The following B3GALT1 variants were observed in gnomAD, a reference collection of about 807,000 sequenced individuals.
B3GALT1 encodes the protein beta-1,3-galactosyltransferase 1.
In B3GALT1, 10 loss-of-function variants were observed where a neutral mutation model predicts 23.2. That is an observed-to-expected ratio of 0.43 (90% CI 0.27 to 0.73). The LOEUF (loss-of-function observed/expected upper bound fraction) is 0.73, where lower values mean the gene tolerates loss of function less well. Among genes scored for constraint, B3GALT1 ranks in the 30% least tolerant of loss-of-function variants. B3GALT1 has a pLI of 0.21. For synonymous variants in B3GALT1, 156 were observed against 141.5 expected (o/e 1.10, Z -0.73); for missense variants, 299 against 405.4 (o/e 0.74, Z 2.25).
At chr2:167,496,487 G>A (rs1699785147) in intron 2 of B3GALT1, among the ~76,000 whole-genome samples, 1 of 152,138 alleles carries the variant, frequency 6.6e-6, no homozygotes, top group Non-Finnish European at 1.5e-5. Context: ...CTAGGCTGTT[G>A]GCAGTGAAAA....
At chr2:167,682,846 G>C (rs1219969597) in intron 3 of B3GALT1, among the ~76,000 whole-genome samples, 2 of 152,176 alleles carry the variant, frequency 1.3e-5, no homozygotes, top group African/African-American at 2.4e-5. Flanking sequence ...AATGAAAGAA[G>C]GAAATAATAT....
chr2:167,633,646 T>C (rs138885760), intron 2 of B3GALT1, among the ~76,000 whole-genome samples: 2,182 of 152,124 alleles, frequency 0.014, 100 homozygotes, highest in East Asian at 0.13. Context: ...CTATCCTAAA[T>C]ATATATGCAC....
chr2:167,468,137 A>G (rs952632708), intron 1 of B3GALT1, among the ~76,000 whole-genome samples: 1 of 152,192 alleles, frequency 6.6e-6, no homozygotes, highest in African/African-American at 2.4e-5. Context: ...GAAAAATTCT[A>G]TGGACTACTA....
intron 3 of B3GALT1, among the ~76,000 whole-genome samples, chr2:167,651,483 A>G (rs1017116757): frequency 2.0e-5 from 3 of 152,146 alleles, no homozygotes; most frequent in Non-Finnish European, 4.4e-5. Context: ...TAACGTGTGC[A>G]GTCAACATAG....
At chr2:167,369,080 TG>T (rs2105268067) in intron 1 of B3GALT1, among the ~76,000 whole-genome samples, 1 of 10,194 alleles carries the variant, frequency 9.8e-5, no homozygotes, top group South Asian at 5.3e-3. Flanking sequence ...TGTGTGTGTG[TG>T]TGTGTGTGTG....
At chr2:167,651,105 T>G (rs1279014750) in intron 3 of B3GALT1, among the ~76,000 whole-genome samples, 1 of 152,056 alleles carries the variant, frequency 6.6e-6, no homozygotes, top group Non-Finnish European at 1.5e-5. Context: ...AAGCATTCAG[T>G]ATTTATGCAA....
intron 1 of B3GALT1, among the ~76,000 whole-genome samples, chr2:167,335,373 T>C (rs1305651266): frequency 6.6e-6 from 1 of 152,174 alleles, no homozygotes; most frequent in African/African-American, 2.4e-5. Context: ...TCTTAGGCCA[T>C]ATTTAGTTTG....
chr2:167,826,962 A>G (rs1689241673), intron 4 of B3GALT1, among the ~76,000 whole-genome samples: 1 of 152,174 alleles, frequency 6.6e-6, no homozygotes, highest in Non-Finnish European at 1.5e-5. Context: ...CTTGGAATCA[A>G]TCCCCATCAG....
chr2:167,579,955 G>T (rs899069352), intron 2 of B3GALT1, among the ~76,000 whole-genome samples: 8 of 152,122 alleles, frequency 5.3e-5, no homozygotes, highest in African/African-American at 1.9e-4. Flanking sequence ...AGATGGTAGA[G>T]TTCAATTTTT....
intron 1 of B3GALT1, among the ~76,000 whole-genome samples, chr2:167,337,389 C>A (rs540495274): frequency 6.6e-6 from 1 of 152,006 alleles, no homozygotes. Flanking sequence ...CACATGCACA[C>A]GCACACACAC....
chr2:167,487,985 C>T (rs1273423648), intron 1 of B3GALT1, among the ~76,000 whole-genome samples: 1 of 152,028 alleles, frequency 6.6e-6, no homozygotes, highest in Non-Finnish European at 1.5e-5. Flanking sequence ...CCATGTTATT[C>T]CTGTGGACAG....
intron 2 of B3GALT1, among the ~76,000 whole-genome samples, chr2:167,532,772 T>C (rs1683350357): frequency 6.6e-6 from 1 of 152,142 alleles, no homozygotes; most frequent in Admixed American, 6.6e-5. Context: ...TATATTTTGT[T>C]TATATCCTGT....
At chr2:167,708,564 G>C (rs1687002587) in intron 3 of B3GALT1, among the ~76,000 whole-genome samples, 1 of 152,210 alleles carries the variant, frequency 6.6e-6, no homozygotes, top group Non-Finnish European at 1.5e-5. Context: ...AGGAGGCTGA[G>C]GCAGGAGGAT....
intron 1 of B3GALT1, among the ~76,000 whole-genome samples, chr2:167,453,692 G>A (rs1699123607): frequency 6.6e-6 from 1 of 152,210 alleles, no homozygotes; most frequent in Non-Finnish European, 1.5e-5. Flanking sequence ...GTGTTTAAGG[G>A]ACTCTATTTT....
intron 1 of B3GALT1, among the ~76,000 whole-genome samples, chr2:167,295,337 A>G (rs1256514077): frequency 6.6e-6 from 1 of 152,216 alleles, no homozygotes; most frequent in Non-Finnish European, 1.5e-5. Flanking sequence ...GTTGTTCTAT[A>G]CAAAATTTAC....
intron 3 of B3GALT1, among the ~76,000 whole-genome samples, chr2:167,785,059 G>A (rs1270034263): frequency 6.6e-6 from 1 of 152,184 alleles, no homozygotes; most frequent in South Asian, 2.1e-4. Flanking sequence ...AACACAAATT[G>A]GTGACCCTGG....
At chr2:167,433,396 C>T (rs1055281228) in intron 1 of B3GALT1, among the ~76,000 whole-genome samples, 1 of 152,118 alleles carries the variant, frequency 6.6e-6, no homozygotes, top group Admixed American at 6.5e-5. Context: ...CTCCTATAAA[C>T]ATCCAAAAAC....
At chr2:167,480,823 G>A (rs1699554919) in intron 1 of B3GALT1, among the ~76,000 whole-genome samples, 1 of 152,076 alleles carries the variant, frequency 6.6e-6, no homozygotes, top group Non-Finnish European at 1.5e-5. Flanking sequence ...CACCCAACTG[G>A]CCAGAGTTTC....
chr2:167,306,970 A>G (rs1378834825), intron 1 of B3GALT1, among the ~76,000 whole-genome samples: 2 of 152,034 alleles, frequency 1.3e-5, no homozygotes, highest in Non-Finnish European at 2.9e-5. Flanking sequence ...GAAAAAAGGC[A>G]ATTATGATCA....
Sources: gnomAD v4.1 joint callset for allele counts (sites outside exome capture counted in the v4.1 genomes callset) on GRCh38, gnomAD v4.1.1 for gene constraint, MANE v1.5 for transcripts, NCBI Gene and HGNC (gene_info 2026-07-23, HGNC 2026-07-21) for gene names.